Variants in P4HB observed in about 807,000 individuals in gnomAD.
P4HB encodes the protein protein disulfide-isomerase.
A neutral mutation model predicts 52.6 loss-of-function variants in P4HB; 20 were observed. That is an observed-to-expected ratio of 0.38 (90% CI 0.27 to 0.55). The LOEUF (loss-of-function observed/expected upper bound fraction) is 0.55, where lower values mean the gene tolerates loss of function less well. Among genes scored for constraint, P4HB ranks in the 20% least tolerant of loss-of-function variants. The pLI, the probability that P4HB is intolerant of heterozygous loss-of-function variation, is 0.74. For synonymous variants in P4HB, 296 were observed against 277.9 expected, an observed-to-expected ratio of 1.07 and a Z score of -0.65; for missense variants, 601 against 669.2, an observed-to-expected ratio of 0.90 and a Z score of 1.12.
chr17:81,856,659 T>C (rs1321726669), intron 2 of P4HB, among the ~76,000 whole-genome samples: 2 of 149,970 alleles, frequency 1.3e-5, no homozygotes, highest in African/African-American at 4.9e-5. Context: ...TTTTTTTTTT[T>C]TTTTTTGAGA....
chr17:81,853,952 T>G (rs1598269148), intron 4 of P4HB, among the ~76,000 whole-genome samples: 1 of 152,178 alleles, frequency 6.6e-6, no homozygotes, highest in Non-Finnish European at 1.5e-5. Context: ...GGCCCCATCT[T>G]GACACTGTGC....
rs1484519745 is a variant in P4HB, at chr17:81,860,411, C to T, written c.61G>A (p.Glu21Lys). 8 of 1,437,150 alleles carry T rather than the reference C, an allele frequency of 5.6e-6. No individual in the cohort carries two copies. The highest frequency in any genetic ancestry group is 6.4e-6 in the Non-Finnish European group (7 of 1,092,424). 89.0% of individuals were successfully genotyped at this position (1,437,150 alleles called of 1,614,324 possible). ...VAALVRADAP[E>K]EEDHVLVLRK... ...AGCACCAGGACGTGGTCCTCCTCCT[C>T]GGGGGCGTCGGCGCGCACCAGGGCG... Residue 21 changes from glutamate (E) to lysine (K), a missense_variant, in exon 1 of 11, where the codon GAG (glutamate) becomes AAG (lysine). Coordinates refer to ENST00000331483, the MANE Select transcript of P4HB (RefSeq NM_000918.4).
chr17:81,858,881 G>A, intron 2 of P4HB: 1 of 383,970 alleles, frequency 2.6e-6, no homozygotes, highest in South Asian at 2.9e-5. Context: ...AACAGCCCAT[G>A]TGGCCAGAAA....
rs761645485 is a variant in P4HB, at chr17:81,847,017, G to T, written c.785C>A (p.Pro262His). ...EIKTHILLFL[P>H]KSVSDYDGKL... ...GCCGTCATAGTCAGACACACTCTTG[G>T]GCAAGAACAGCAGGATGTGAGTCTT... The change falls in exon 6 of 11, where the codon CCC becomes CAC. Residue 262 changes from proline to histidine, a missense_variant. Physicochemically the swap from Pro to His is moderately conservative, Grantham distance 77 (BLOSUM62 -2). Coordinates refer to ENST00000331483, the MANE Select transcript of P4HB (RefSeq NM_000918.4). 1.2e-6 allele frequency: 2 copies of T among 1,613,904 alleles called. No homozygotes were observed. The highest frequency in any genetic ancestry group is 2.7e-5 in the African/African-American group (2 of 74,904).
intron 2 of P4HB, among the ~76,000 whole-genome samples, chr17:81,856,487 G>A (rs148446741): frequency 6.6e-6 from 1 of 151,432 alleles, no homozygotes; most frequent in South Asian, 2.1e-4. Flanking sequence ...ATAGGTGCCC[G>A]CCACCACACC....
chr17:81,845,379 T>C, intron 9 of P4HB, 149 bp from the exon 10 acceptor site: 1 of 845,690 alleles, frequency 1.2e-6, no homozygotes, highest in Non-Finnish European at 1.9e-6. Flanking sequence ...AAAAACAGCC[T>C]AGGCAATATA....
In P4HB at chr17:81,860,491, G is replaced by T. The variant is rs751962567; in HGVS notation, c.-20C>A. ...CAGCATGTCGGACACGGATCAGGCG[G>T]GGCGCTTCGGTTGGCGCCGCCGGGA... On this transcript the variant is annotated 5_prime_UTR_variant, in exon 1 of 11. Transcript: ENST00000331483. 8.0e-7 allele frequency: 1 copy of T among 1,253,702 alleles called. No homozygotes were observed. The highest frequency in any genetic ancestry group is 3.2e-5 in the East Asian group (1 of 31,428). The allele number at this position is 1,253,702 out of a possible 1,614,324, so 77.7% of individuals were successfully genotyped here. A position where few individuals can be genotyped will look rare whatever the true frequency, so the allele number is the denominator to read the frequency against.
At position 81,846,452 on chromosome 17, in the gene P4HB, G is replaced by C. The variant is rs147408417; in HGVS notation, c.1033C>G (p.Arg345Gly). Reference sequence around the variant, plus strand: ...ACCTTGATTTTGCCCTCCAGGAAGCGGTGGCAGAACTCTGTGATCCTCTCT... The same window carrying C: ...ACCTTGATTTTGCCCTCCAGGAAGCCGTGGCAGAACTCTGTGATCCTCTCT... ...TAERITEFCH[R>G]FLEGKIKPHL... Residue 345 changes from arginine (R) to glycine (G), a missense_variant, in exon 7 of 11, where the codon CGC becomes GGC. Coordinates refer to ENST00000331483, the MANE Select transcript of P4HB (RefSeq NM_000918.4). The surrounding 1 kb of genome is among the most constrained non-coding windows in gnomAD (Gnocchi z 5.7). 6.7e-4 allele frequency: 1,076 copies of C among 1,613,578 alleles called. No individual in the cohort carries two copies. Among genetic ancestry groups the C allele is most frequent in the Non-Finnish European group, 8.7e-4 (1,022 of 1,180,026 alleles).
Position 81,847,079 on chromosome 17 carries a change from T to C in P4HB, c.730-7A>G. On this transcript the variant is annotated splice_region_variant and splice_polypyrimidine_tract_variant and intron_variant, in intron 5 of 10. Transcript: ENST00000331483. ...CAAAAATCTTCGGGGCTGTCTGTGT[T>C]ATAAACTTAAGTTACTGGGTCTGAG... The C allele has an allele frequency of 6.2e-7, 1 of 1,613,982 alleles. No individual in the cohort carries two copies. The highest frequency in any genetic ancestry group is 1.1e-5 in the South Asian group (1 of 91,078).
In P4HB at chr17:81,855,761, C is replaced by T. The variant is rs1430532068; in HGVS notation, c.353-175G>A. 1 of 641,736 alleles carries T rather than the reference C, an allele frequency of 1.6e-6. No individual in the cohort carries two copies. Among genetic ancestry groups the T allele is most frequent in the Non-Finnish European group, 2.6e-6 (1 of 378,638 alleles). The allele number at this position is 641,736 out of a possible 1,614,324, so 39.8% of individuals were successfully genotyped here. ...TGCCGTCCGCCCGCCTCCTAAACCCCAGTGTACGTGAGACTGTGGTTGTGT... is the reference window on the plus strand; with the variant it reads ...TGCCGTCCGCCCGCCTCCTAAACCCTAGTGTACGTGAGACTGTGGTTGTGT... On this transcript the variant is annotated intron_variant, in intron 2 of 10. Coordinates refer to ENST00000331483, the MANE Select transcript of P4HB (RefSeq NM_000918.4). This position sits in a 1 kb window ranked among gnomAD's most constrained non-coding sequence, Gnocchi z 4.3.
Position 81,846,822 on chromosome 17 carries a change from G to T in P4HB, c.855+125C>A. The T allele has an allele frequency of 1.5e-6, 2 of 1,335,626 alleles. No individual in the cohort carries two copies. The highest frequency in any genetic ancestry group is 2.1e-6 in the Non-Finnish European group (2 of 952,634). The allele number at this position is 1,335,626 out of a possible 1,614,324, so 82.7% of individuals were successfully genotyped here. A position where few individuals can be genotyped will look rare whatever the true frequency, so the allele number is the denominator to read the frequency against. ...CTGGCCCCTCGCCTACATCCAGGCT[G>T]TCCTGAATCAGGTGCCCGATCCAGT... On this transcript the variant is annotated intron_variant, in intron 6 of 10. Transcript: ENST00000331483. The surrounding 1 kb of genome is among the most constrained non-coding windows in gnomAD (Gnocchi z 5.7).
chr17:81,859,924 G>A (rs184120669), intron 1 of P4HB: 18 of 183,860 alleles, frequency 9.8e-5, no homozygotes, highest in Admixed American at 8.0e-4. Context: ...CGTGAGGAAG[G>A]CTTGGGATTC....
chr17:81,845,297 C>T lies in P4HB; in HGVS notation c.1360-67G>A, dbSNP rs2038716244. The stretch of plus-strand genomic sequence containing the variant: ...AGAGCCAATCTCCTGGCATTGGCTC[C>T]TCCTCCCTAGAGAAAGGCAGAGCAG... On this transcript the variant is annotated intron_variant, in intron 9 of 10. Transcript: ENST00000331483. 4 of 1,321,424 alleles carry T rather than the reference C, an allele frequency of 3.0e-6. No individual in the cohort carries two copies. In the East Asian group the frequency reaches 9.4e-5, roughly 31 times the overall value. The allele number at this position is 1,321,424 out of a possible 1,614,324, so 81.9% of individuals were successfully genotyped here. A position where few individuals can be genotyped will look rare whatever the true frequency, so the allele number is the denominator to read the frequency against.
chr17:81,845,508 G>A (rs2038720078), intron 9 of P4HB, 53 bp downstream of exon 9: 2 of 1,499,936 alleles, frequency 1.3e-6, no homozygotes, highest in African/African-American at 1.4e-5. Flanking sequence ...CTGGCGTGGG[G>A]ACCACTGCTC....
At chr17:81,853,424 T>G (rs1047081021) in intron 4 of P4HB, among the ~76,000 whole-genome samples, 3 of 151,892 alleles carry the variant, frequency 2.0e-5, no homozygotes, top group African/African-American at 7.3e-5. Flanking sequence ...TACAAAAAAA[T>G]TAGCTGGGTG....
Position 81,843,836 on chromosome 17 carries a change from G to A in P4HB, c.*176C>T, listed in dbSNP as rs1220917320. On this transcript the variant is annotated 3_prime_UTR_variant, in exon 11 of 11. Transcript: ENST00000331483. The stretch of plus-strand genomic sequence containing the variant: ...CCTTTCCAAAAACCGAAAAGCAGAA[G>A]GAAGAGACGGGGGTGAACGGACGGT... 1.1e-5 allele frequency: 7 copies of A among 633,028 alleles called. No homozygotes were observed. Among genetic ancestry groups the A allele is most frequent in the South Asian group, 3.6e-5 (2 of 55,302 alleles). 39.2% of individuals were successfully genotyped at this position (633,028 alleles called of 1,614,324 possible).
intron 1 of P4HB, 39 bp from the exon 2 acceptor site, chr17:81,859,426 C>G: frequency 6.4e-7 from 1 of 1,571,840 alleles, no homozygotes; most frequent in Non-Finnish European, 8.7e-7. Flanking sequence ...CAGCCTTGAT[C>G]CCTAAAGCAG....
chr17:81,859,928 G>C (rs2038972013), intron 1 of P4HB: 1 of 185,930 alleles, frequency 5.4e-6, no homozygotes, highest in Admixed American at 6.1e-5. Flanking sequence ...AGGAAGGCTT[G>C]GGATTCTCCT....
chr17:81,849,360 G>T (rs901695849), intron 4 of P4HB, among the ~76,000 whole-genome samples: 2 of 151,980 alleles, frequency 1.3e-5, no homozygotes, highest in Admixed American at 6.6e-5. Flanking sequence ...GCTGGGCGTG[G>T]TGGCGGGTGC....
Sources: allele counts gnomAD v4.1 joint callset (sites outside exome capture counted in the v4.1 genomes callset), GRCh38; gene constraint gnomAD v4.1.1; non-coding constraint Gnocchi (gnomAD v3.1); transcripts MANE v1.5; gene names NCBI Gene and HGNC (gene_info 2026-07-23, HGNC 2026-07-21).